Variants in NECTIN4 observed in about 807,000 individuals in gnomAD.
The protein encoded by NECTIN4 is nectin cell adhesion molecule 4.
Under a neutral mutation model 51.7 loss-of-function variants are expected in NECTIN4, and 19 were observed. That is an observed-to-expected ratio of 0.37 (90% CI 0.26 to 0.54). The LOEUF (loss-of-function observed/expected upper bound fraction) is 0.54, where lower values mean the gene tolerates loss of function less well. Ranked by LOEUF, NECTIN4 falls within the 20% of genes least tolerant of loss-of-function variation. The probability of loss-of-function intolerance (pLI) is 0.86; values close to 1 mark genes in which losing one functional copy is unlikely to be tolerated. For synonymous variants in NECTIN4, 283 were observed against 286.9 expected (o/e 0.99, Z 0.14); for missense variants, 619 against 662.4 (o/e 0.93, Z 0.72).
At position 161,073,427 on chromosome 1, in the gene NECTIN4, C is replaced by T. The variant is rs531151690; in HGVS notation, c.1234-128G>A. 2.2e-3 allele frequency: 1,737 copies of T among 802,878 alleles called. 12 individuals are homozygous for T. Among genetic ancestry groups the T allele is most frequent in the Middle Eastern group, 9.5e-3 (42 of 4,442 alleles). 49.7% of individuals were successfully genotyped at this position (802,878 alleles called of 1,614,324 possible). ...CCCAACCCAACAGGTCCATTCTCTC[C>T]TGGAAACAAACATCCTCATTTCCCC... On this transcript the variant is annotated intron_variant, in intron 7 of 8. Coordinates refer to ENST00000368012, the MANE Select transcript of NECTIN4 (RefSeq NM_030916.3).
chr1:161,083,930 G>T (rs747954371), intron 1 of NECTIN4, among the ~76,000 whole-genome samples: 4 of 152,210 alleles, frequency 2.6e-5, no homozygotes, highest in Non-Finnish European at 4.4e-5. Flanking sequence ...AACTGAGGCT[G>T]GCACTTGCTG....
At chr1:161,073,386 C>A (rs2101656734) in intron 7 of NECTIN4, 87 bp from the exon 8 acceptor site, 1 of 1,114,090 alleles carries the variant, frequency 9.0e-7, no homozygotes, top group Non-Finnish European at 1.3e-6. Context: ...CCAGCCTCCT[C>A]CCTACTTGCC....
intron 1 of NECTIN4, among the ~76,000 whole-genome samples, chr1:161,085,667 A>G (rs1653912680): frequency 6.7e-6 from 1 of 149,120 alleles, no homozygotes; most frequent in Non-Finnish European, 1.5e-5. Context: ...GGCATGGCAG[A>G]TGTCTCCCCA....
chr1:161,084,234 T>C (rs1480895106), intron 1 of NECTIN4, among the ~76,000 whole-genome samples: 1 of 152,244 alleles, frequency 6.6e-6, no homozygotes, highest in African/African-American at 2.4e-5. Context: ...ATATACGTAC[T>C]TACTTGTCTG....
chr1:161,079,722 G>A lies in NECTIN4; in HGVS notation c.307C>T (p.Pro103Ser), dbSNP rs773867890. ...GAGCCGTCCAGGGGGTTGCGTGGGG[G>A]CGGCGGCTGCTCCACGCGGCCCTCG... ...AYEGRVEQPP[P>S]PRNPLDGSVL... The change falls in exon 2 of 9, where the codon CCC (proline) becomes TCC (serine). Residue 103 changes from proline to serine, a missense_variant. Transcript: ENST00000368012. 6 of 1,608,948 alleles carry A rather than the reference G, an allele frequency of 3.7e-6. No individual in the cohort carries two copies. The East Asian group carries it at 1.3e-4, about 36-fold the overall frequency.
chr1:161,072,583 A>T lies in NECTIN4; in HGVS notation c.*78T>A. The T allele has an allele frequency of 3.3e-6, 4 of 1,226,974 alleles. No homozygotes were observed. The highest frequency in any genetic ancestry group is 4.8e-6 in the Non-Finnish European group (4 of 827,542). 76.0% of individuals were successfully genotyped at this position (1,226,974 alleles called of 1,614,324 possible). A position where few individuals can be genotyped will look rare whatever the true frequency, so the allele number is the denominator to read the frequency against. On this transcript the variant is annotated 3_prime_UTR_variant, in exon 9 of 9. Transcript: ENST00000368012. ...TCTTCCGCAAGAAATGGGGGTGTTT[A>T]AGGAGGCCCCCAAGATGAGCTAAAA...
chr1:161,081,975 A>G (rs1281177125), intron 1 of NECTIN4, among the ~76,000 whole-genome samples: 1 of 152,110 alleles, frequency 6.6e-6, no homozygotes, highest in Non-Finnish European at 1.5e-5. Flanking sequence ...ACATTTATTG[A>G]CCAAGTGAAT....
chr1:161,073,287 C>T lies in NECTIN4; in HGVS notation c.1246G>A (p.Val416Ile), dbSNP rs1280157220. 3 of 1,614,092 alleles carry T rather than the reference C, an allele frequency of 1.9e-6. No individual in the cohort carries two copies. The highest frequency in any genetic ancestry group is 2.5e-6 in the Non-Finnish European group (3 of 1,179,960). The part of the protein sequence containing the change: ...TDPRSQPEES[V>I]GLRAEGHPDS... ...GGGTGGCCCTCGGCTCTCAGCCCTA[C>T]ACTCTCCTCCGGCTGCAGGGCCCAG... Residue 416 changes from valine to isoleucine, a missense_variant, in exon 8 of 9, where the codon GTA becomes ATA. Physicochemically the swap from Val to Ile is conservative, Grantham distance 29. This residue lies in a region of NECTIN4 where 364 missense variants were observed against 415.7 expected (regional missense o/e 0.88). Transcript: ENST00000368012.
At chr1:161,088,320 T>C (rs976783150) in intron 1 of NECTIN4, among the ~76,000 whole-genome samples, 1 of 152,034 alleles carries the variant, frequency 6.6e-6, no homozygotes, top group Non-Finnish European at 1.5e-5. Flanking sequence ...GAAGGAGAAA[T>C]ATTTCTGTTA....
chr1:161,073,570 C>A (rs767104326), intron 7 of NECTIN4, 150 bp downstream of exon 7: 6 of 818,138 alleles, frequency 7.3e-6, no homozygotes, highest in Non-Finnish European at 1.3e-5. Flanking sequence ...AGCAGCTACA[C>A]CCTCTCAACT....
intron 4 of NECTIN4, among the ~76,000 whole-genome samples, chr1:161,075,251 C>A (rs1243986552): frequency 1.3e-5 from 2 of 152,212 alleles, no homozygotes; most frequent in Non-Finnish European, 2.9e-5. Flanking sequence ...TGTACCCAAC[C>A]TCTCCCTGAC....
chr1:161,083,896 C>G (rs577046293), intron 1 of NECTIN4, among the ~76,000 whole-genome samples: 4 of 152,344 alleles, frequency 2.6e-5, no homozygotes, highest in Non-Finnish European at 5.9e-5. Context: ...CTATGTGAGC[C>G]TGGCCTCTGA....
At position 161,079,623 on chromosome 1, in the gene NECTIN4, T is replaced by A. The variant is rs757800081; in HGVS notation, c.406A>T (p.Ser136Cys). ...CGGAGCCGCAGCCGCGCCTGGAAGC[T>A]GCCGGCGGGGAAGGTGCTGACCCGG... Reference protein sequence around the residue: ...ECRVSTFPAGSFQARLRLRVL... With the variant: ...ECRVSTFPAGCFQARLRLRVL... Residue 136 changes from serine (S) to cysteine (C), a missense_variant, in exon 2 of 9, where the codon AGC becomes TGC. Physicochemically the swap from Ser to Cys is moderately radical, Grantham distance 112. Around this residue, in one of 3 missense-constraint regions of NECTIN4, gnomAD observed 218 missense variants for 186.3 expected, o/e 1.17. Coordinates refer to ENST00000368012, the MANE Select transcript of NECTIN4 (RefSeq NM_030916.3). 6.2e-7 allele frequency: 1 copy of A among 1,605,454 alleles called. No homozygotes were observed. The highest frequency in any genetic ancestry group is 8.5e-7 in the Non-Finnish European group (1 of 1,179,702).
In NECTIN4 at chr1:161,076,378, G is replaced by A. The variant is rs1198334625; in HGVS notation, c.828C>T (p.Pro276=). Residue 276 remains proline, a synonymous_variant, in exon 4 of 9, where the codon CCC becomes CCT. Coordinates refer to ENST00000368012, the MANE Select transcript of NECTIN4 (RefSeq NM_030916.3). ...AMLKCLSEGQ[P]PPSYNWTRLD... is the part of the protein sequence containing the mutation. The stretch of plus-strand genomic sequence containing the variant: ...ACCGTGTCCAGTTGTATGAGGGAGG[G>A]GGCTGCCCTTCACTCAGGCACTTGA... 1 of 1,614,116 alleles carries A rather than the reference G, an allele frequency of 6.2e-7. No individual in the cohort carries two copies. Among genetic ancestry groups the A allele is most frequent in the East Asian group, 2.2e-5 (1 of 44,886 alleles).
chr1:161,077,319 A>G, intron 3 of NECTIN4, 134 bp downstream of exon 3: 1 of 873,564 alleles, frequency 1.1e-6, no homozygotes. Flanking sequence ...CATTTGGACT[A>G]GTGCTCTGTC....
In NECTIN4 at chr1:161,076,464, C is replaced by G. The variant is rs911064660; in HGVS notation, c.742G>C (p.Ala248Pro). ...TGGTCTTCAAGGCCCCTCACAGAGG[C>G]CTCAGCAAGGACTGGAATGGGAAGT... ...HILHVSFLAE[A>P]SVRGLEDQNL... The change falls in exon 4 of 9, where the codon GCC (alanine) becomes CCC (proline). Residue 248 changes from alanine to proline, a missense_variant. Around this residue, in one of 3 missense-constraint regions of NECTIN4, gnomAD observed 364 missense variants for 415.7 expected, o/e 0.88. Transcript: ENST00000368012. 1 of 1,614,078 alleles carries G rather than the reference C, an allele frequency of 6.2e-7. No individual in the cohort carries two copies. The highest frequency in any genetic ancestry group is 1.3e-5 in the African/African-American group (1 of 75,034).
At chr1:161,073,688 C>G (rs749902246) in intron 7 of NECTIN4, 32 bp downstream of exon 7, 3 of 1,583,280 alleles carry the variant, frequency 1.9e-6, no homozygotes, top group East Asian at 4.5e-5. Context: ...CGACCACACC[C>G]CTGCATGCAT....
At chr1:161,088,340 C>G (rs912479868) in intron 1 of NECTIN4, among the ~76,000 whole-genome samples, 1 of 152,036 alleles carries the variant, frequency 6.6e-6, no homozygotes, top group African/African-American at 2.4e-5. Flanking sequence ...ACTCATTACC[C>G]TAGGAACACC....
intron 1 of NECTIN4, among the ~76,000 whole-genome samples, chr1:161,088,866 C>G (rs888263847): frequency 3.3e-5 from 5 of 152,102 alleles, no homozygotes; most frequent in Admixed American, 2.6e-4. Context: ...CTAGGAAACC[C>G]TGGGGTGAAC....
Sources: gnomAD v4.1 joint callset for allele counts (sites outside exome capture counted in the v4.1 genomes callset) on GRCh38, gnomAD v4.1.1 for gene constraint, gnomAD v4.1.1 regional missense constraint, MANE v1.5 for transcripts, NCBI Gene and HGNC (gene_info 2026-07-23, HGNC 2026-07-21) for gene names.